The following USP49 variants were observed in gnomAD, a reference collection of about 807,000 sequenced individuals.
USP49 encodes ubiquitin specific peptidase 49, also known as ubiquitin carboxyl-terminal hydrolase 49.
A neutral mutation model predicts 58.6 loss-of-function variants in USP49; 24 were observed. The observed-to-expected ratio is 0.41, with a 90% CI of 0.30 to 0.58. USP49 has a LOEUF of 0.58. USP49 is among the 20% of genes least tolerant of loss of function. The pLI, the probability that USP49 is intolerant of heterozygous loss-of-function variation, is 0.30. For synonymous variants in USP49, 408 were observed against 365.1 expected (o/e 1.12, Z -1.34); for missense variants, 703 against 866.1 (o/e 0.81, Z 2.36).
rs185490194 is a variant in USP49 at position 41,845,049 on chromosome 6, C to T, written c.-29+26515G>A. Reference sequence around the variant, plus strand: ...CTGAGTAGCTGGGATTACAGGCACACGCCACTACGCCCGGCTAATTTTTGT... The same window carrying T: ...CTGAGTAGCTGGGATTACAGGCACATGCCACTACGCCCGGCTAATTTTTGT... On this transcript the variant is annotated intron_variant, in intron 3 of 7. Transcript: ENST00000682992. Among the ~76,000 whole-genome samples the T allele has an allele frequency of 5.5e-3, 839 of 152,126 alleles. 8 individuals are homozygous for T. The highest frequency in any genetic ancestry group is 0.017 in the African/African-American group (722 of 41,528).
At chr6:41,808,893 T>A (rs1773192799) in intron 3 of USP49, among the ~76,000 whole-genome samples, 1 of 151,958 alleles carries the variant, frequency 6.6e-6, no homozygotes, top group Non-Finnish European at 1.5e-5. Context: ...ACCTGTCCTA[T>A]CTAATCTATC....
Position 41,806,623 on chromosome 6 carries a change from C to G in USP49, c.361G>C (p.Ala121Pro). 1 of 1,611,914 alleles carries G rather than the reference C, an allele frequency of 6.2e-7. No individual in the cohort carries two copies. The highest frequency in any genetic ancestry group is 8.5e-7 in the Non-Finnish European group (1 of 1,179,634). Residue 121 changes from alanine (A) to proline (P), a missense_variant, in exon 4 of 8, where the codon GCT becomes CCT. By Grantham distance (27) the Ala-to-Pro change is conservative. Around this residue, in one of 6 missense-constraint regions of USP49, gnomAD observed 376 missense variants for 373.5 expected, o/e 1.01. Transcript: ENST00000682992. This position sits in a 1 kb window ranked among gnomAD's most constrained non-coding sequence, Gnocchi z 5.9. ...GGCAGGACCACGTCCTCACCCGAAGCCATGGACCGCAGCGTCCGCCCACGT... is the reference window on the plus strand; with the variant it reads ...GGCAGGACCACGTCCTCACCCGAAGGCATGGACCGCAGCGTCCGCCCACGT... ...VRRGRTLRSM[A>P]SGEDVVLPQR... is the part of the protein sequence containing the mutation.
chr6:41,811,809 C>T (rs960053439), intron 3 of USP49, among the ~76,000 whole-genome samples: 1 of 152,110 alleles, frequency 6.6e-6, no homozygotes, highest in Non-Finnish European at 1.5e-5. Flanking sequence ...TTAGTACCAA[C>T]TAAGGGTACA....
At chr6:41,818,438 C>A (rs923124974) in intron 3 of USP49, among the ~76,000 whole-genome samples, 3 of 152,158 alleles carry the variant, frequency 2.0e-5, no homozygotes, top group Admixed American at 2.0e-4. Flanking sequence ...TGGATGAGAA[C>A]CAGATTGGCT....
At chr6:41,844,554 C>T (rs1174584842) in intron 3 of USP49, among the ~76,000 whole-genome samples, 1 of 152,058 alleles carries the variant, frequency 6.6e-6, no homozygotes, top group Non-Finnish European at 1.5e-5. Flanking sequence ...ACCTCATGAT[C>T]CGCCTGTCTT....
At chr6:41,851,044 C>T (rs980292189) in intron 3 of USP49, among the ~76,000 whole-genome samples, 3 of 152,150 alleles carry the variant, frequency 2.0e-5, no homozygotes, top group Admixed American at 2.0e-4. Context: ...GATGGCTTCA[C>T]TAGAGAATTC....
intron 2 of USP49, among the ~76,000 whole-genome samples, chr6:41,877,882 A>G (rs1006036645): frequency 2.6e-5 from 4 of 151,962 alleles, no homozygotes; most frequent in Admixed American, 6.6e-5. Context: ...CATTTTTTAC[A>G]TTTATCTTAA....
chr6:41,806,440 T>G lies in USP49; in HGVS notation c.544A>C (p.Lys182Gln). The G allele has an allele frequency of 6.3e-7, 1 of 1,586,584 alleles. No homozygotes were observed. The highest frequency in any genetic ancestry group is 8.5e-7 in the Non-Finnish European group (1 of 1,174,744). The part of the protein sequence containing the change: ...RRQEEALERK[K>Q]EEARRRRREV... Reference sequence around the variant, plus strand: ...CGCCGCCGCCTCCGCGCCTCCTCCTTCTTGCGCTCCAGGGCCTCCTCCTGC... The same window carrying G: ...CGCCGCCGCCTCCGCGCCTCCTCCTGCTTGCGCTCCAGGGCCTCCTCCTGC... Residue 182 changes from lysine (K) to glutamine (Q), a missense_variant, in exon 4 of 8, where the codon AAG (lysine) becomes CAG (glutamine). Physicochemically the swap from Lys to Gln is moderately conservative, Grantham distance 53. This residue lies in a region of USP49 where 376 missense variants were observed against 373.5 expected (regional missense o/e 1.01). Coordinates refer to ENST00000682992, the MANE Select transcript of USP49 (RefSeq NM_001286554.2). This position sits in a 1 kb window ranked among gnomAD's most constrained non-coding sequence, Gnocchi z 5.9.
At chr6:41,875,772 C>A (rs1774494225) in intron 2 of USP49, among the ~76,000 whole-genome samples, 2 of 152,138 alleles carry the variant, frequency 1.3e-5, no homozygotes, top group Admixed American at 1.3e-4. Flanking sequence ...CAGCCTGTCG[C>A]CCAGGCTGGA....
intron 3 of USP49, among the ~76,000 whole-genome samples, chr6:41,856,771 T>C (rs1262043956): frequency 6.6e-6 from 1 of 152,186 alleles, no homozygotes; most frequent in Admixed American, 6.5e-5. Flanking sequence ...AGTAAGATAT[T>C]TTGAGAGAGA....
At chr6:41,830,100 A>C (rs1403551317) in intron 3 of USP49, among the ~76,000 whole-genome samples, 2 of 152,190 alleles carry the variant, frequency 1.3e-5, no homozygotes, top group East Asian at 3.9e-4. Flanking sequence ...AGATGTTTCA[A>C]ATCCATTTTT....
intron 4 of USP49, 103 bp downstream of exon 4, chr6:41,805,525 A>G (rs1457024897): frequency 1.6e-6 from 2 of 1,274,224 alleles, no homozygotes; most frequent in African/African-American, 3.0e-5. Flanking sequence ...TAATCACAGC[A>G]AATGTGGGCT....
At chr6:41,833,181 G>T (rs563553616) in intron 3 of USP49, among the ~76,000 whole-genome samples, 49 of 150,578 alleles carry the variant, frequency 3.3e-4, no homozygotes, top group Non-Finnish European at 5.2e-4. Context: ...CATGCCCGGC[G>T]AATTTTTTGT....
At chr6:41,837,464 G>A (rs377011718) in intron 3 of USP49, among the ~76,000 whole-genome samples, 63 of 152,254 alleles carry the variant, frequency 4.1e-4, no homozygotes, top group Middle Eastern at 6.8e-3. Context: ...CTCAACATGG[G>A]TTAAAGACTT....
chr6:41,820,847 A>G (rs1279571622), intron 3 of USP49, among the ~76,000 whole-genome samples: 1 of 152,032 alleles, frequency 6.6e-6, no homozygotes, highest in African/African-American at 2.4e-5. Flanking sequence ...AAAAACTACA[A>G]AAAATTATCT....
intron 3 of USP49, among the ~76,000 whole-genome samples, chr6:41,810,305 ACC>A (rs951860693): frequency 2.7e-5 from 4 of 149,890 alleles, no homozygotes; most frequent in African/African-American, 7.3e-5. Flanking sequence ...ACATGGTGAA[ACC>A]CCGTCTCTAC....
chr6:41,855,442 G>C (rs538059325), intron 3 of USP49, among the ~76,000 whole-genome samples: 15 of 150,852 alleles, frequency 9.9e-5, no homozygotes, highest in African/African-American at 3.4e-4. Context: ...TTGAACCCAG[G>C]AGGCAGAGGT....
At chr6:41,886,292 A>G (rs1302864811) in intron 2 of USP49, among the ~76,000 whole-genome samples, 1 of 152,250 alleles carries the variant, frequency 6.6e-6, no homozygotes, top group Admixed American at 6.5e-5. Flanking sequence ...TTATAAAAAC[A>G]TAACATTAAT....
intron 2 of USP49, among the ~76,000 whole-genome samples, chr6:41,886,058 A>T (rs1201825132): frequency 6.6e-6 from 1 of 152,190 alleles, no homozygotes; most frequent in Admixed American, 6.5e-5. Flanking sequence ...TTGCTTTCTC[A>T]TCTTTACTTA....
Sources: allele counts gnomAD v4.1 joint callset (sites outside exome capture counted in the v4.1 genomes callset), GRCh38; gene constraint gnomAD v4.1.1; regional missense constraint gnomAD v4.1.1; non-coding constraint Gnocchi (gnomAD v3.1); transcripts MANE v1.5; gene names NCBI Gene and HGNC (gene_info 2026-07-23, HGNC 2026-07-21).